The following SLC2A5 variants were observed in gnomAD, a reference collection of about 807,000 sequenced individuals.
SLC2A5 encodes solute carrier family 2 member 5.
In SLC2A5, 56 loss-of-function variants were observed where a neutral mutation model predicts 50.3. The ratio of observed to expected loss-of-function variants is 1.11; its 90% CI spans 0.90 to 1.39. The LOEUF is 1.39. Ranked by LOEUF, SLC2A5 falls within the 40% of genes most tolerant of loss-of-function variation. The pLI, the probability that SLC2A5 is intolerant of heterozygous loss-of-function variation, is 0.00. For missense variants in SLC2A5, 566 were observed against 650.1 expected, an observed-to-expected ratio of 0.87 and a Z score of 1.41; for synonymous variants, 269 against 281.9, an observed-to-expected ratio of 0.95 and a Z score of 0.46.
Position 9,039,869 on chromosome 1 carries a change from G to GC in SLC2A5, c.815dup (p.Ser273LeufsTer129). The GC allele has an allele frequency of 6.2e-7, 1 of 1,612,252 alleles. No individual in the cohort carries two copies. Among genetic ancestry groups the GC allele is most frequent in the Non-Finnish European group, 8.5e-7 (1 of 1,179,634 alleles). On this transcript the variant is annotated frameshift_variant, in exon 7 of 12. Transcript: ENST00000377424. LOFTEE classifies it high-confidence loss of function. ...TGGACAGCAGCTGCCAGCGCAGCGA[G>GC]CGCATCCGGAACAGCTTCAGCACGG... is the stretch of plus-strand genomic sequence containing the variant.
At chr1:9,059,141 T>C (rs971286633) in intron 1 of SLC2A5, among the ~76,000 whole-genome samples, 32 of 94,360 alleles carry the variant, frequency 3.4e-4, no homozygotes, top group Non-Finnish European at 5.7e-4. Context: ...TCTTTCTTTT[T>C]TTTTTTTTTT....
chr1:9,078,087 G>A (rs1049589344), intron 2 of SLC2A5, among the ~76,000 whole-genome samples: 10 of 152,166 alleles, frequency 6.6e-5, no homozygotes, highest in African/African-American at 2.2e-4. Context: ...ACAGTTCCCC[G>A]GAGCTGAGGG....
intron 1 of SLC2A5, among the ~76,000 whole-genome samples, chr1:9,068,447 C>T (rs961099971): frequency 1.7e-5 from 2 of 114,448 alleles, no homozygotes; most frequent in African/African-American, 8.3e-5. Context: ...CCCAGGCCCA[C>T]TCTTTTTTTT....
At chr1:9,073,216 T>C (rs1387561044), upstream of SLC2A5, 2 of 152,274 alleles carry the variant, frequency 1.3e-5, no homozygotes, top group Non-Finnish European at 2.9e-5. Flanking sequence ...TACAGGCTGC[T>C]AATGGCTTCT....
At chr1:9,059,278 G>A (rs1202150252) in intron 1 of SLC2A5, among the ~76,000 whole-genome samples, 1 of 151,224 alleles carries the variant, frequency 6.6e-6, no homozygotes, top group African/African-American at 2.4e-5. Flanking sequence ...AAATAGCTGG[G>A]ACTACAGGCA....
Position 9,038,938 on chromosome 1 carries a change from G to T in SLC2A5, c.997-9C>A. On this transcript the variant is annotated splice_polypyrimidine_tract_variant and intron_variant, in intron 8 of 11. Transcript: ENST00000377424. The stretch of plus-strand genomic sequence containing the variant: ...AGCTCCACCACGAACACCTACAGGA[G>T]GGTGGCAGGGCTCAGGCGGGAGAGG... The T allele has an allele frequency of 6.2e-7, 1 of 1,610,858 alleles. No homozygotes were observed. Among genetic ancestry groups the T allele is most frequent in the South Asian group, 1.1e-5 (1 of 90,664 alleles).
chr1:9,078,591 T>A (rs1642318437), intron 2 of SLC2A5, among the ~76,000 whole-genome samples: 2 of 152,216 alleles, frequency 1.3e-5, no homozygotes, highest in Non-Finnish European at 2.9e-5. Context: ...CCAAAAACTA[T>A]TGAAAAACAT....
Position 9,069,506 on chromosome 1 carries a change from C to T in SLC2A5, c.31G>A (p.Gly11Arg). Residue 11 changes from glycine (G) to arginine (R), a missense_variant and splice_region_variant, in exon 1 of 12, where the codon GGG (glycine) becomes AGG (arginine). Transcript: ENST00000377424. ...CTTTCCCTGAGCAACACACTCACCC[C>T]TTCCTTCATGCTCTGATCCTGTTGC... MEQQDQSMKE[G>R]RLTLVLALAT... 1.9e-6 allele frequency: 3 copies of T among 1,614,038 alleles called. No individual in the cohort carries two copies. Among genetic ancestry groups the T allele is most frequent in the Non-Finnish European group, 2.5e-6 (3 of 1,179,990 alleles).
intron 4 of SLC2A5, among the ~76,000 whole-genome samples, chr1:9,042,626 TGTGTGTGTGTGG>T (rs1360868314): frequency 8.8e-5 from 13 of 148,048 alleles, no homozygotes; most frequent in East Asian, 5.9e-4. Context: ...TGTATATATA[TGTGTGTGTGTGG>T]GTGTGTGTGT....
intron 2 of SLC2A5, among the ~76,000 whole-genome samples, chr1:9,075,926 GCTGGGA>G: frequency 6.6e-6 from 1 of 151,668 alleles, no homozygotes; most frequent in Non-Finnish European, 1.5e-5. Context: ...CTCCCAAAGT[GCTGGGA>G]TTACAGGCGT....
rs1446128238 is a variant in SLC2A5, at chr1:9,054,866, A to G, written c.293+2582T>C. Among the ~76,000 whole-genome samples the G allele has an allele frequency of 6.6e-5, 10 of 152,178 alleles. 1 individual carries two copies. The highest frequency in any genetic ancestry group is 1.5e-5 in the Non-Finnish European group (1 of 68,034). On this transcript the variant is annotated intron_variant, in intron 3 of 11. Coordinates refer to ENST00000377424, the MANE Select transcript of SLC2A5 (RefSeq NM_003039.3). ...TTAAGCCCAGGAGTTCAAGGCTGCA[A>G]TGAGCTGTGATCATGCCACTGCACT...
upstream of SLC2A5, among the ~76,000 whole-genome samples, chr1:9,071,409 C>T (rs1263812848): frequency 6.6e-6 from 1 of 152,180 alleles, no homozygotes; most frequent in Non-Finnish European, 1.5e-5. Flanking sequence ...GACTCATCTC[C>T]GTCCCCCATC....
At position 9,058,165 on chromosome 1, in the gene SLC2A5, T is replaced by G; in HGVS notation, c.119A>C (p.Asn40Thr). The change falls in exon 2 of 12, where the codon AAC (asparagine) becomes ACC (threonine). Residue 40 changes from asparagine (N) to threonine (T), a missense_variant. By Grantham distance (65) the Asn-to-Thr change is moderately conservative. Transcript: ENST00000377424. The part of the protein sequence containing the change: ...FQYGYNVAAV[N>T]SPALLMQQFY... ...ACAGTGACCTACCAGTGCTGGGGAGTTGACAGCAGCCACGTTGTACCCATA... is the reference window on the plus strand; with the variant it reads ...ACAGTGACCTACCAGTGCTGGGGAGGTGACAGCAGCCACGTTGTACCCATA... 6.2e-7 allele frequency: 1 copy of G among 1,613,132 alleles called. No homozygotes were observed. The highest frequency in any genetic ancestry group is 2.2e-5 in the East Asian group (1 of 44,860).
At chr1:9,070,846 G>T (rs1056016832), upstream of SLC2A5, among the ~76,000 whole-genome samples, 2 of 152,008 alleles carry the variant, frequency 1.3e-5, no homozygotes, top group African/African-American at 4.8e-5. Flanking sequence ...CTGTGTGTGT[G>T]TGTGTGTTGG....
upstream of SLC2A5, among the ~76,000 whole-genome samples, chr1:9,089,077 A>G (rs1486541752): frequency 6.6e-6 from 1 of 152,216 alleles, no homozygotes; most frequent in Non-Finnish European, 1.5e-5. Flanking sequence ...TCTGGTGTTC[A>G]GCTGAAACAC....
chr1:9,081,634 A>G (rs1399930351), intron 2 of SLC2A5, among the ~76,000 whole-genome samples: 1 of 152,218 alleles, frequency 6.6e-6, no homozygotes, highest in Non-Finnish European at 1.5e-5. Flanking sequence ...ACTTGAATAG[A>G]TTATTTTCTC....
At chr1:9,051,828 T>C (rs1426139800) in intron 3 of SLC2A5, among the ~76,000 whole-genome samples, 1 of 152,218 alleles carries the variant, frequency 6.6e-6, no homozygotes. Context: ...CACAGAAACT[T>C]ACATGTGCAT....
chr1:9,037,645 C>A lies in SLC2A5; in HGVS notation c.1447G>T (p.Glu483Ter), dbSNP rs1428937253. 1 of 1,614,200 alleles carries A rather than the reference C, an allele frequency of 6.2e-7. No homozygotes were observed. The highest frequency in any genetic ancestry group is 1.7e-5 in the Admixed American group (1 of 60,030). The change falls in exon 12 of 12, where the codon GAA becomes TAA. Residue 483 changes from glutamate to a stop codon, truncating the protein, a stop_gained. Coordinates refer to ENST00000377424, the MANE Select transcript of SLC2A5 (RefSeq NM_003039.3). LOFTEE classifies it low-confidence loss of function (END_TRUNC). The stretch of plus-strand genomic sequence containing the variant: ...AGTTCCTCCTTTTCCGGGTACACTT[C>A]AGACACCTTATTCATCTTGGTGAAA... ...QIFTKMNKVS[E>*]VYPEKEELKE...
upstream of SLC2A5, among the ~76,000 whole-genome samples, chr1:9,070,081 T>G (rs1642183891): frequency 7.5e-6 from 1 of 133,842 alleles, no homozygotes; most frequent in Non-Finnish European, 1.6e-5. Flanking sequence ...TGTTTTTTTT[T>G]TTTTTTTTTT....
Sources: gnomAD v4.1 joint callset for allele counts (sites outside exome capture counted in the v4.1 genomes callset) on GRCh38, gnomAD v4.1.1 for gene constraint, MANE v1.5 for transcripts, NCBI Gene and HGNC (gene_info 2026-07-23, HGNC 2026-07-21) for gene names.